RIMS2: variants seen among roughly 807,000 people sequenced by gnomAD.
The protein encoded by RIMS2 is regulating synaptic membrane exocytosis protein 2.
RIMS2 carries 59 observed loss-of-function variants against 174.4 expected under a neutral mutation model. That is an observed-to-expected ratio of 0.34 (90% CI 0.27 to 0.42). The LOEUF is 0.42. RIMS2 is among the 10% of genes least tolerant of loss of function. The pLI is 1.00. For missense variants in RIMS2, 1,620 were observed against 1,666.3 expected, an observed-to-expected ratio of 0.97 and a Z score of 0.48; for synonymous variants, 606 against 572.5, an observed-to-expected ratio of 1.06 and a Z score of -0.84.
intron 19 of RIMS2, among the ~76,000 whole-genome samples, chr8:104,085,344 G>A (rs887205031): frequency 1.3e-5 from 2 of 152,182 alleles, no homozygotes; most frequent in Non-Finnish European, 2.9e-5. Context: ...AAAAGGGAAA[G>A]ACATATGGTC....
At chr8:103,695,092 G>A (rs1462125770) in intron 1 of RIMS2, among the ~76,000 whole-genome samples, 56 of 152,174 alleles carry the variant, frequency 3.7e-4, no homozygotes, top group Non-Finnish European at 1.0e-4. Flanking sequence ...TCCCCCTAGC[G>A]ATGAGTATCT....
intron 19 of RIMS2, among the ~76,000 whole-genome samples, chr8:104,170,987 C>G (rs2098828902): frequency 1.3e-5 from 2 of 152,050 alleles, no homozygotes; most frequent in Non-Finnish European, 2.9e-5. Context: ...GACCCCAATC[C>G]CTTCTGCCTT....
chr8:104,096,902 A>C (rs963435496), intron 19 of RIMS2, among the ~76,000 whole-genome samples: 4 of 151,936 alleles, frequency 2.6e-5, no homozygotes, highest in African/African-American at 9.7e-5. Context: ...AAAGAAAAAG[A>C]AAATGTTGGT....
chr8:103,999,604 G>T (rs1306771597), intron 17 of RIMS2, among the ~76,000 whole-genome samples: 1 of 151,590 alleles, frequency 6.6e-6, no homozygotes, highest in Non-Finnish European at 1.5e-5. Context: ...TTAAAGGTGG[G>T]TGACATACAT....
At position 103,576,704 on chromosome 8, in the gene RIMS2, G is replaced by A. The variant is rs541447445; in HGVS notation, c.176+75642G>A. ...ACAAGGCTACAGTAACCAAAGTAGC[G>A]TGGTATTGGTACCAAAACAGATATA... On this transcript the variant is annotated intron_variant, in intron 1 of 23. Transcript: ENST00000504942. Among the ~76,000 whole-genome samples the A allele has an allele frequency of 1.6e-4, 24 of 152,196 alleles. No homozygotes were observed. In the South Asian group the frequency reaches 1.7e-3, roughly 11 times the overall value.
At chr8:104,176,670 C>A (rs954111289) in intron 19 of RIMS2, among the ~76,000 whole-genome samples, 11 of 150,500 alleles carry the variant, frequency 7.3e-5, no homozygotes, top group African/African-American at 2.2e-4. Context: ...AATATATAAT[C>A]ATATATTTTC....
At chr8:103,931,174 G>T (rs1000565289) in intron 11 of RIMS2, 89 bp from the exon 14 acceptor site, 2 of 962,536 alleles carry the variant, frequency 2.1e-6, no homozygotes, top group Admixed American at 2.5e-5. Context: ...TAATGTTATT[G>T]TAAGAGAATG....
At chr8:103,742,721 T>C (rs1357015) in intron 2 of RIMS2, among the ~76,000 whole-genome samples, 58,847 of 151,914 alleles carry the variant, frequency 0.39, 11,807 homozygotes, top group African/African-American at 0.44. Context: ...GAATGTTTTG[T>C]GAATAAATGA....
chr8:103,940,053 T>G (rs2082173464), intron 13 of RIMS2, among the ~76,000 whole-genome samples: 1 of 152,210 alleles, frequency 6.6e-6, no homozygotes, highest in East Asian at 1.9e-4. Context: ...TTCCAACCCC[T>G]GCCCATTACC....
At chr8:103,523,358 G>A (rs1045462867) in intron 1 of RIMS2, among the ~76,000 whole-genome samples, 1 of 151,484 alleles carries the variant, frequency 6.6e-6, no homozygotes, top group Admixed American at 6.6e-5. Flanking sequence ...AGCTATTTGG[G>A]TCTTGCCCAT....
chr8:104,150,883 A>G (rs1186039728), intron 19 of RIMS2, among the ~76,000 whole-genome samples: 1 of 152,194 alleles, frequency 6.6e-6, no homozygotes, highest in African/African-American at 2.4e-5. Flanking sequence ...TATGTAACAA[A>G]TAATTTTTGA....
chr8:103,816,435 T>C (rs1255143352), intron 3 of RIMS2, among the ~76,000 whole-genome samples: 1 of 152,144 alleles, frequency 6.6e-6, no homozygotes, highest in African/African-American at 2.4e-5. Context: ...GCTAGATGAA[T>C]GAGACAAGAA....
chr8:103,826,915 A>G (rs1249351264), intron 3 of RIMS2, among the ~76,000 whole-genome samples: 1 of 151,438 alleles, frequency 6.6e-6, no homozygotes, highest in Non-Finnish European at 1.5e-5. Flanking sequence ...GCTATCTGCT[A>G]TACTTCTGCC....
intron 3 of RIMS2, among the ~76,000 whole-genome samples, chr8:103,872,456 T>C (rs1316383261): frequency 6.6e-6 from 1 of 152,238 alleles, no homozygotes; most frequent in African/African-American, 2.4e-5. Context: ...TGTTTAACTA[T>C]ATGTAACATA....
At chr8:103,535,421 A>G (rs1839302270) in intron 1 of RIMS2, among the ~76,000 whole-genome samples, 1 of 152,234 alleles carries the variant, frequency 6.6e-6, no homozygotes, top group Admixed American at 6.5e-5. Flanking sequence ...GTGATTATTC[A>G]TTCCATAGGT....
At chr8:104,008,610 A>G (rs2095662467) in intron 17 of RIMS2, among the ~76,000 whole-genome samples, 1 of 151,814 alleles carries the variant, frequency 6.6e-6, no homozygotes, top group Non-Finnish European at 1.5e-5. Flanking sequence ...ATTTTCAATA[A>G]TGAATATATT....
intron 3 of RIMS2, chr8:103,819,346 A>G (rs2098737026): frequency 6.7e-7 from 1 of 1,496,916 alleles, no homozygotes; most frequent in Non-Finnish European, 8.8e-7. Flanking sequence ...ATGACTGTAC[A>G]ATTAACTATC....
At chr8:103,680,452 G>T (rs577522062) in intron 1 of RIMS2, among the ~76,000 whole-genome samples, 2 of 152,070 alleles carry the variant, frequency 1.3e-5, no homozygotes, top group Admixed American at 1.3e-4. Flanking sequence ...GAAATTTTTG[G>T]TGCCTGACTT....
intron 1 of RIMS2, among the ~76,000 whole-genome samples, chr8:103,589,809 T>A (rs796885998): frequency 1.5e-4 from 23 of 151,624 alleles, no homozygotes; most frequent in African/African-American, 5.1e-4. Flanking sequence ...GATCATTATG[T>A]TAAGTAAAAT....
Sources: gnomAD v4.1 joint callset for allele counts (sites outside exome capture counted in the v4.1 genomes callset) on GRCh38, gnomAD v4.1.1 for gene constraint, MANE v1.5 for transcripts, NCBI Gene and HGNC (gene_info 2026-07-23, HGNC 2026-07-21) for gene names.